SHANK1: variants seen among roughly 807,000 people sequenced by gnomAD.
SHANK1 encodes SH3 and multiple ankyrin repeat domains 1.
SHANK1 carries 35 observed loss-of-function variants against 165.6 expected under a neutral mutation model. The ratio of observed to expected loss-of-function variants is 0.21; its 90% CI spans 0.16 to 0.28. The LOEUF (loss-of-function observed/expected upper bound fraction) is 0.28. SHANK1 is among the 10% of genes least tolerant of loss of function. The pLI is 1.00. For missense variants in SHANK1, 2,681 were observed against 3,036.4 expected (o/e 0.88, Z 2.75); for synonymous variants, 1,428 against 1,384.8 (o/e 1.03, Z -0.69).
At position 50,697,406 on chromosome 19, in the gene SHANK1, C is replaced by T. The variant is rs1002824963; in HGVS notation, c.1937+183G>A. 5.9e-5 allele frequency among the ~76,000 whole-genome samples: 9 copies of T among 152,266 alleles called. No homozygotes were observed. The highest frequency in any genetic ancestry group is 1.9e-4 in the African/African-American group (8 of 41,534). The stretch of plus-strand genomic sequence containing the variant: ...AGAGCTGGGCAGTCTTAGTGGCTGC[C>T]GAAGATGGTTTGGGGTTGGGCTGTA... On this transcript the variant is annotated intron_variant, in intron 14 of 23. Transcript: ENST00000293441. The surrounding 1 kb of genome is among the most constrained non-coding windows in gnomAD (Gnocchi z 4.7).
chr19:50,692,790 C>A (rs1178216032), intron 15 of SHANK1, among the ~76,000 whole-genome samples: 1 of 151,440 alleles, frequency 6.6e-6, no homozygotes, highest in East Asian at 1.9e-4. Context: ...TGTTGAGGTT[C>A]CACATCGCCC....
rs2089111015 is a variant in SHANK1 at position 50,719,483 on chromosome 19, G to A, written c.-121C>T. 1 of 980 alleles carries A rather than the reference G, an allele frequency of 1.0e-3. No homozygotes were observed. Among genetic ancestry groups the A allele is most frequent in the African/African-American group, 4.6e-3 (1 of 218 alleles). 0.1% of individuals were successfully genotyped at this position (980 alleles called of 1,614,324 possible). A position where few individuals can be genotyped will look rare whatever the true frequency, so the allele number is the denominator to read the frequency against. On this transcript the variant is annotated 5_prime_UTR_variant, in exon 1 of 24. Transcript: ENST00000293441. ...CCTCCCCCCACCCCCCACCCCCCCG[G>A]AGACGGGGACCCTCAGGCCATGCCC...
Position 50,687,765 on chromosome 19 carries a change from C to A in SHANK1, c.2309-103G>T. 11 of 1,339,182 alleles carry A rather than the reference C, an allele frequency of 8.2e-6. 1 individual carries two copies. In the South Asian group the frequency reaches 1.5e-4, roughly 18 times the overall value. 83.0% of individuals were successfully genotyped at this position (1,339,182 alleles called of 1,614,324 possible). A position where few individuals can be genotyped will look rare whatever the true frequency, so the allele number is the denominator to read the frequency against. ...GGGCTCAGAGAATAGCCATTGCCAG[C>A]GTGCGGAGCCCTCCCTGCCTCAGTT... is the stretch of plus-strand genomic sequence containing the variant. On this transcript the variant is annotated intron_variant, in intron 18 of 23. Transcript: ENST00000293441.
At chr19:50,706,998 G>A (rs1436272771) in intron 8 of SHANK1, among the ~76,000 whole-genome samples, 1 of 152,064 alleles carries the variant, frequency 6.6e-6, no homozygotes, top group Non-Finnish European at 1.5e-5. Flanking sequence ...GGCTGGTCTC[G>A]AACTCCCAAC....
At position 50,667,775 on chromosome 19, in the gene SHANK1, G is replaced by C; in HGVS notation, c.4185C>G (p.His1395Gln). 1.5e-6 allele frequency: 2 copies of C among 1,298,992 alleles called. No homozygotes were observed. The highest frequency in any genetic ancestry group is 1.9e-6 in the Non-Finnish European group (2 of 1,028,894). The allele number at this position is 1,298,992 out of a possible 1,614,324, so 80.5% of individuals were successfully genotyped here. ...YEAPPPTPHH[H>Q]SPHAHHEPVL... ...CTGGCTCGTGGTGGGCGTGGGGCGA[G>C]TGGTGGTGCGGGGTGGGCGGCGGGG... Residue 1395 changes from histidine (H) to glutamine (Q), a missense_variant, in exon 23 of 24, where the codon CAC becomes CAG. Transcript: ENST00000293441. The surrounding 1 kb of genome is among the most constrained non-coding windows in gnomAD (Gnocchi z 5.7).
chr19:50,674,893 C>A (rs1300492122), intron 21 of SHANK1, among the ~76,000 whole-genome samples: 1 of 151,990 alleles, frequency 6.6e-6, no homozygotes, highest in Non-Finnish European at 1.5e-5. Context: ...GAAATTCCAC[C>A]TCTACTAAAA....
At position 50,666,605 on chromosome 19, in the gene SHANK1, G is replaced by A. The variant is rs1985526605; in HGVS notation, c.5355C>T (p.Pro1785=). 6.2e-7 allele frequency: 1 copy of A among 1,600,304 alleles called. No homozygotes were observed. Among genetic ancestry groups the A allele is most frequent in the Non-Finnish European group, 8.5e-7 (1 of 1,175,662 alleles). ...TTCCAGCCCCTGTCACCGAGACGGTGGGGCTGGTGGGGGTAACAGGGTCTC... is the reference window on the plus strand; with the variant it reads ...TTCCAGCCCCTGTCACCGAGACGGTAGGGCTGGTGGGGGTAACAGGGTCTC... The part of the protein sequence containing the change: ...GLRDPVTPTS[P]TVSVTGAGTD... Residue 1785 remains proline, a synonymous_variant, in exon 23 of 24, where the codon CCC becomes CCT. Coordinates refer to ENST00000293441, the MANE Select transcript of SHANK1 (RefSeq NM_016148.5).
chr19:50,711,938 C>A lies in SHANK1; in HGVS notation c.960+9G>T. The A allele has an allele frequency of 6.2e-7, 1 of 1,613,978 alleles. No homozygotes were observed. The highest frequency in any genetic ancestry group is 8.5e-7 in the Non-Finnish European group (1 of 1,180,000). On this transcript the variant is annotated intron_variant, in intron 7 of 23. Transcript: ENST00000293441. ...CACCCCAGCCCTTCATGGCCTGAAT[C>A]AGGAGCACCTGGTGGATTTCCTGCC...
Position 50,668,468 on chromosome 19 carries a change from G to A in SHANK1, c.3492C>T (p.Ser1164=), listed in dbSNP as rs762862808. ...GGCTGCTGCGGCCGCTGCTACTGGT[G>A]GACGGGGCCTTGATGATGATGGTGG... The part of the protein sequence containing the change: ...PIPTIIIKAP[S]TSSSGRSSQG... Residue 1164 remains serine, a synonymous_variant, in exon 23 of 24, where the codon TCC becomes TCT. Transcript: ENST00000293441. 2 of 1,336,692 alleles carry A rather than the reference G, an allele frequency of 1.5e-6. No homozygotes were observed. The highest frequency in any genetic ancestry group is 2.6e-5 in the South Asian group (1 of 37,784). The allele number at this position is 1,336,692 out of a possible 1,614,324, so 82.8% of individuals were successfully genotyped here.
chr19:50,684,264 C>T (rs77420918), intron 21 of SHANK1, among the ~76,000 whole-genome samples: 2 of 150,102 alleles, frequency 1.3e-5, no homozygotes, highest in African/African-American at 2.5e-5. Context: ...TCGCTTTTGT[C>T]GCCCAGGCTG....
intron 8 of SHANK1, among the ~76,000 whole-genome samples, chr19:50,704,877 C>A (rs2088919674): frequency 6.7e-6 from 1 of 149,324 alleles, no homozygotes; most frequent in African/African-American, 2.5e-5. Context: ...AGTGAGACGC[C>A]CCCCGTCTCT....
intron 21 of SHANK1, among the ~76,000 whole-genome samples, chr19:50,685,561 T>C (rs1379710695): frequency 6.6e-6 from 1 of 151,840 alleles, no homozygotes; most frequent in African/African-American, 2.4e-5. Context: ...CTGTCTCTAT[T>C]AAAAATACAA....
rs997319250 is a variant in SHANK1 at position 50,718,214 on chromosome 19, C to T, written c.-44+1192G>A. Among the ~76,000 whole-genome samples the T allele has an allele frequency of 7.9e-5, 12 of 152,096 alleles. No homozygotes were observed. Among genetic ancestry groups the T allele is most frequent in the Non-Finnish European group, 1.6e-4 (11 of 67,982 alleles). On this transcript the variant is annotated intron_variant, in intron 1 of 23. Coordinates refer to ENST00000293441, the MANE Select transcript of SHANK1 (RefSeq NM_016148.5). The surrounding 1 kb of genome is among the most constrained non-coding windows in gnomAD (Gnocchi z 5.1). The stretch of plus-strand genomic sequence containing the variant: ...GGCGAGCGAGCCTCTAACCCAGGGC[C>T]GGCGGACCCCTCCCCCACGCGCGGC...
intron 7 of SHANK1, 126 bp downstream of exon 7, chr19:50,711,821 G>A: frequency 3.6e-6 from 4 of 1,105,772 alleles, no homozygotes; most frequent in Non-Finnish European, 5.3e-6. Flanking sequence ...TCCTCTTTGG[G>A]GACCATGTTA....
Position 50,687,935 on chromosome 19 carries a change from C to A in SHANK1, c.2296G>T (p.Val766Leu). 1 of 1,614,068 alleles carries A rather than the reference C, an allele frequency of 6.2e-7. No homozygotes were observed. Among genetic ancestry groups the A allele is most frequent in the Non-Finnish European group, 8.5e-7 (1 of 1,179,968 alleles). Reference protein sequence around the residue: ...VTRHPDMDEAVHKKAPQQAKR... With the variant: ...VTRHPDMDEALHKKAPQQAKR... ...GCCGCAGGAGCACCTTTCTTGTGCACTGCCTCATCCATGTCCGGGTGCCTG... is the reference window on the plus strand; with the variant it reads ...GCCGCAGGAGCACCTTTCTTGTGCAATGCCTCATCCATGTCCGGGTGCCTG... The change falls in exon 18 of 24, where the codon GTG becomes TTG. Residue 766 changes from valine to leucine, a missense_variant. Physicochemically the swap from Val to Leu is conservative, Grantham distance 32. This residue lies in a region of SHANK1 where 206 missense variants were observed against 216.0 expected (regional missense o/e 0.95). Transcript: ENST00000293441.
chr19:50,678,799 G>A (rs147421099), intron 21 of SHANK1, among the ~76,000 whole-genome samples: 1,445 of 9,396 alleles, frequency 0.15, 263 homozygotes, highest in Non-Finnish European at 0.21. Flanking sequence ...TGATGGGGAG[G>A]GGTCAAGATG....
chr19:50,669,127 G>C lies in SHANK1; in HGVS notation c.2833C>G (p.Leu945Val), dbSNP rs767706284. The C allele has an allele frequency of 1.3e-6, 2 of 1,528,802 alleles. No individual in the cohort carries two copies. Among genetic ancestry groups the C allele is most frequent in the Non-Finnish European group, 1.8e-6 (2 of 1,137,414 alleles). 94.7% of individuals were successfully genotyped at this position (1,528,802 alleles called of 1,614,324 possible). A position where few individuals can be genotyped will look rare whatever the true frequency, so the allele number is the denominator to read the frequency against. The change falls in exon 23 of 24, where the codon CTC (leucine) becomes GTC (valine). Residue 945 changes from leucine to valine, a missense_variant. Coordinates refer to ENST00000293441, the MANE Select transcript of SHANK1 (RefSeq NM_016148.5). Reference protein sequence around the residue: ...TPPVPSSSGRLTPSPRGGPFN... With the variant: ...TPPVPSSSGRVTPSPRGGPFN... ...GGCCCTCCCCGAGGGGAGGGGGTGA[G>C]GCGCCCTGAGGAGGAGGGGACTGGA...
rs1047848798 is a variant in SHANK1 at position 50,660,750 on chromosome 19, A to T, written c.*1215T>A. On this transcript the variant is annotated 3_prime_UTR_variant, in exon 24 of 24. Coordinates refer to ENST00000293441, the MANE Select transcript of SHANK1 (RefSeq NM_016148.5). ...GGGGGGGGGCGCGTGTGCAAAAGCA[A>T]GTGTGCAAGAGGGTTCACAAAAGAA... 1.4e-5 allele frequency among the ~76,000 whole-genome samples: 2 copies of T among 144,774 alleles called. No homozygotes were observed. Among genetic ancestry groups the T allele is most frequent in the Non-Finnish European group, 3.0e-5 (2 of 66,742 alleles). 95.0% of individuals were successfully genotyped at this position (144,774 alleles called of 152,430 possible).
At position 50,687,652 on chromosome 19, in the gene SHANK1, C is replaced by A; in HGVS notation, c.2319G>T (p.Gln773His). ...DEAVHKKAPQQAKRLPPPTIS... is the reference protein window; with the variant it reads ...DEAVHKKAPQHAKRLPPPTIS... ...TGGTTGGGGGCGGCAGCCGCTTGGC[C>A]TGCTGGGGTGCTGAAAAGGTGATGA... Residue 773 changes from glutamine (Q) to histidine (H), a missense_variant, in exon 19 of 24, where the codon CAG becomes CAT. Gln to His is a conservative substitution (Grantham distance 24). Transcript: ENST00000293441. 1.3e-6 allele frequency: 2 copies of A among 1,498,974 alleles called. No homozygotes were observed. The allele number at this position is 1,498,974 out of a possible 1,614,324, so 92.9% of individuals were successfully genotyped here.
Sources: allele counts gnomAD v4.1 joint callset (sites outside exome capture counted in the v4.1 genomes callset), GRCh38; gene constraint gnomAD v4.1.1; regional missense constraint gnomAD v4.1.1; non-coding constraint Gnocchi (gnomAD v3.1); transcripts MANE v1.5; gene names NCBI Gene and HGNC (gene_info 2026-07-23, HGNC 2026-07-21).